The following NKAIN2 variants were observed in gnomAD, a reference collection of about 807,000 sequenced individuals.
NKAIN2 encodes sodium/potassium-transporting ATPase subunit beta-1-interacting protein 2.
A neutral mutation model predicts 32.6 loss-of-function variants in NKAIN2; 14 were observed. That is an observed-to-expected ratio of 0.43 (90% CI 0.28 to 0.67). The LOEUF (loss-of-function observed/expected upper bound fraction) is 0.67, where lower values mean the gene tolerates loss of function less well. Among genes scored for constraint, NKAIN2 ranks in the 30% least tolerant of loss-of-function variants. NKAIN2 has a pLI of 0.17. For synonymous variants in NKAIN2, 80 were observed against 87.2 expected (o/e 0.92, Z 0.46); for missense variants, 198 against 258.3 (o/e 0.77, Z 1.60).
chr6:124,116,007 T>C (rs537189252), intron 1 of NKAIN2, among the ~76,000 whole-genome samples: 40 of 152,138 alleles, frequency 2.6e-4, no homozygotes, highest in African/African-American at 9.4e-4. Flanking sequence ...CTTTTTTATA[T>C]AAAATATTAT....
chr6:124,216,373 A>T (rs1791477934), intron 1 of NKAIN2, among the ~76,000 whole-genome samples: 1 of 152,074 alleles, frequency 6.6e-6, no homozygotes, highest in African/African-American at 2.4e-5. Context: ...TTACACCAAA[A>T]CTTATTTGTT....
At chr6:124,807,003 C>A (rs1780599723) in intron 5 of NKAIN2, among the ~76,000 whole-genome samples, 1 of 152,136 alleles carries the variant, frequency 6.6e-6, no homozygotes, top group Admixed American at 6.5e-5. Flanking sequence ...TCCTGAGTGA[C>A]CTACAAAGAG....
chr6:124,704,791 A>G (rs754746891), intron 4 of NKAIN2, among the ~76,000 whole-genome samples: 2 of 152,004 alleles, frequency 1.3e-5, no homozygotes, highest in Non-Finnish European at 2.9e-5. Context: ...TGATAGAACC[A>G]GAGCGTCTAA....
At chr6:124,034,282 C>G (rs1241053104) in intron 1 of NKAIN2, among the ~76,000 whole-genome samples, 3 of 151,942 alleles carry the variant, frequency 2.0e-5, no homozygotes, top group Non-Finnish European at 4.4e-5. Flanking sequence ...TTGCCCTTCT[C>G]CCTCCCTCCC....
intron 2 of NKAIN2, among the ~76,000 whole-genome samples, chr6:124,343,289 A>G (rs1467074801): frequency 6.6e-6 from 1 of 152,034 alleles, no homozygotes; most frequent in Non-Finnish European, 1.5e-5. Flanking sequence ...CGAAATAAAC[A>G]TACGTGTGCA....
intron 1 of NKAIN2, among the ~76,000 whole-genome samples, chr6:124,059,033 G>A (rs964394505): frequency 6.6e-6 from 1 of 151,910 alleles, no homozygotes; most frequent in African/African-American, 2.4e-5. Context: ...AAGCCAGTAG[G>A]TTTGATCACC....
intron 3 of NKAIN2, among the ~76,000 whole-genome samples, chr6:124,636,752 A>G (rs2114335079): frequency 6.6e-6 from 1 of 152,178 alleles, no homozygotes; most frequent in South Asian, 2.1e-4. Flanking sequence ...AATACGATTG[A>G]TCAATAATAA....
intron 1 of NKAIN2, among the ~76,000 whole-genome samples, chr6:124,146,266 G>C (rs1787392841): frequency 6.7e-6 from 1 of 148,770 alleles, no homozygotes; most frequent in South Asian, 2.1e-4. Flanking sequence ...TACAATCGTG[G>C]GCAAAAAAAA....
intron 1 of NKAIN2, among the ~76,000 whole-genome samples, chr6:123,884,019 G>A (rs951594381): frequency 6.6e-6 from 1 of 150,650 alleles, no homozygotes; most frequent in African/African-American, 2.5e-5. Context: ...AGATAAACTT[G>A]TGTCTTGGGG....
intron 1 of NKAIN2, among the ~76,000 whole-genome samples, chr6:123,992,449 G>A (rs976061808): frequency 4.9e-4 from 74 of 152,116 alleles, no homozygotes; most frequent in African/African-American, 1.7e-3. Context: ...CAAACGAAAC[G>A]GAATATTTCA....
intron 3 of NKAIN2, among the ~76,000 whole-genome samples, chr6:124,373,659 GACGT>G (rs1275955731): frequency 1.3e-5 from 2 of 152,114 alleles, no homozygotes; most frequent in Admixed American, 6.6e-5. Flanking sequence ...AGTGCCCAGT[GACGT>G]AGGAAGGAAG....
chr6:124,528,040 A>C (rs540344909), intron 3 of NKAIN2, among the ~76,000 whole-genome samples: 1 of 152,198 alleles, frequency 6.6e-6, no homozygotes, highest in Non-Finnish European at 1.5e-5. Context: ...TTGAAACTCT[A>C]TCTGAAGGTC....
rs146998949 is a variant in NKAIN2 at position 124,152,874 on chromosome 6, G to A, written c.55-130131G>A. 5.3e-3 allele frequency among the ~76,000 whole-genome samples: 799 copies of A among 151,946 alleles called. 7 individuals carry two copies. Among genetic ancestry groups the A allele is most frequent in the African/African-American group, 0.018 (759 of 41,504 alleles). ...TGTAACATGGATGGAACTGGAGGAT[G>A]TTTTGTTAAGTGAAATAAACTAAGC... On this transcript the variant is annotated intron_variant, in intron 1 of 6. Coordinates refer to ENST00000368417, the MANE Select transcript of NKAIN2 (RefSeq NM_001040214.3).
intron 3 of NKAIN2, among the ~76,000 whole-genome samples, chr6:124,440,046 C>T (rs935002228): frequency 6.6e-6 from 1 of 152,084 alleles, no homozygotes; most frequent in African/African-American, 2.4e-5. Context: ...GATGGCCCTT[C>T]TTCAGTATCT....
At chr6:124,613,533 C>A (rs928750439) in intron 3 of NKAIN2, among the ~76,000 whole-genome samples, 2 of 152,104 alleles carry the variant, frequency 1.3e-5, no homozygotes, top group Non-Finnish European at 2.9e-5. Context: ...GATATTGTTT[C>A]TTATGGTAAA....
At chr6:124,615,084 C>G (rs1300479706) in intron 3 of NKAIN2, among the ~76,000 whole-genome samples, 4 of 152,154 alleles carry the variant, frequency 2.6e-5, no homozygotes, top group South Asian at 2.1e-4. Context: ...CTCCTTCGCA[C>G]TAATTTCTAT....
intron 1 of NKAIN2, among the ~76,000 whole-genome samples, chr6:124,134,746 C>G (rs1173234673): frequency 6.6e-6 from 1 of 152,106 alleles, no homozygotes; most frequent in Non-Finnish European, 1.5e-5. Context: ...GAAAACTTCC[C>G]TGGCTTTGCT....
intron 1 of NKAIN2, among the ~76,000 whole-genome samples, chr6:123,965,855 A>G (rs994658407): frequency 6.6e-6 from 1 of 152,152 alleles, no homozygotes; most frequent in Non-Finnish European, 1.5e-5. Context: ...TCTGTCTTGT[A>G]TTACTGGTAT....
At chr6:124,183,894 A>G (rs1360308617) in intron 1 of NKAIN2, among the ~76,000 whole-genome samples, 2 of 152,154 alleles carry the variant, frequency 1.3e-5, no homozygotes, top group Admixed American at 6.5e-5. Flanking sequence ...GTTTTTGATT[A>G]TCATGTAGAA....
Sources: allele counts gnomAD v4.1 joint callset (sites outside exome capture counted in the v4.1 genomes callset), GRCh38; gene constraint gnomAD v4.1.1; transcripts MANE v1.5; gene names NCBI Gene and HGNC (gene_info 2026-07-23, HGNC 2026-07-21).